MAMDC2: variants seen among roughly 807,000 people sequenced by gnomAD.
MAMDC2 encodes MAM domain-containing protein 2.
In MAMDC2, 57 loss-of-function variants were observed where a neutral mutation model predicts 89.8. The observed-to-expected ratio is 0.63, with a 90% confidence interval of 0.51 to 0.79. The LOEUF (loss-of-function observed/expected upper bound fraction) is 0.79. Ranked by LOEUF, MAMDC2 falls within the 30% of genes least tolerant of loss-of-function variation. MAMDC2 has a pLI of 0.00. For synonymous variants in MAMDC2, 313 were observed against 293.4 expected (o/e 1.07, Z -0.68); for missense variants, 800 against 820.6 (o/e 0.97, Z 0.31).
intron 6 of MAMDC2, among the ~76,000 whole-genome samples, chr9:70,128,019 A>C: frequency 6.8e-6 from 1 of 147,678 alleles, no homozygotes; most frequent in East Asian, 1.9e-4. Context: ...GACACTACTA[A>C]ACCTCAATAC....
intron 11 of MAMDC2, chr9:70,172,003 G>GT (rs1174906086): frequency 3.3e-5 from 5 of 152,190 alleles, no homozygotes; most frequent in African/African-American, 1.2e-4. Context: ...ACCACCTCCA[G>GT]TAAAACCTGT....
rs2997666 is a variant in MAMDC2, at chr9:70,064,482, A to G, written c.148+19785A>G. Among the ~76,000 whole-genome samples, 1,413 of 152,182 alleles carry G rather than the reference A, an allele frequency of 9.3e-3. 25 individuals carry two copies. The highest frequency in any genetic ancestry group is 0.032 in the African/African-American group (1,343 of 41,508). On this transcript the variant is annotated intron_variant, in intron 2 of 13. Transcript: ENST00000377182. Reference sequence around the variant, plus strand: ...CTCCCTTCTTTTCCTCCAAATCCCAATCCCACTGTCTGTAAGGAACCACTA... The same window carrying G: ...CTCCCTTCTTTTCCTCCAAATCCCAGTCCCACTGTCTGTAAGGAACCACTA...
At chr9:70,048,114 A>T (rs1826801484) in intron 2 of MAMDC2, among the ~76,000 whole-genome samples, 1 of 152,226 alleles carries the variant, frequency 6.6e-6, no homozygotes, top group South Asian at 2.1e-4. Flanking sequence ...CATTTTGCCC[A>T]TGGTTGTCCT....
At chr9:70,131,359 G>A (rs1016209760) in intron 6 of MAMDC2, among the ~76,000 whole-genome samples, 160 bp from the exon 7 acceptor site, 2 of 152,208 alleles carry the variant, frequency 1.3e-5, no homozygotes, top group African/African-American at 4.8e-5. Context: ...TGTAGGTTGA[G>A]GAGGGTGCTG....
chr9:70,107,158 C>CTA lies in MAMDC2; in HGVS notation c.149-1053_149-1052insTA, dbSNP rs1264717164. On this transcript the variant is annotated intron_variant, in intron 2 of 13. Transcript: ENST00000377182. ...CAGGCCAGAAAGGCCCAGGAGGTCC[C>CTA]CAAAGACCCACAGGCAATTGGATCA... is the stretch of plus-strand genomic sequence containing the variant. Among the ~76,000 whole-genome samples, 967 of 151,892 alleles carry CTA rather than the reference C, an allele frequency of 6.4e-3. 8 individuals are homozygous for CTA. Among genetic ancestry groups the CTA allele is most frequent in the South Asian group, 0.024 (113 of 4,778 alleles).
intron 2 of MAMDC2, among the ~76,000 whole-genome samples, chr9:70,072,368 C>T (rs1827428913): frequency 6.6e-6 from 1 of 152,178 alleles, no homozygotes; most frequent in Non-Finnish European, 1.5e-5. Context: ...CTGAGTCTGG[C>T]TGAGGCTTCT....
At position 70,059,371 on chromosome 9, in the gene MAMDC2, G is replaced by GTTTTAACATTTCCAAAGT. The variant is rs373953205; in HGVS notation, c.148+14676_148+14693dup. On this transcript the variant is annotated intron_variant, in intron 2 of 13. Transcript: ENST00000377182. ...GAAGAAACTAGGGTTTAGATAGTTTGTTTTAACATTTCCAAAGTTCATGCT... is the reference window on the plus strand; with the variant it reads ...GAAGAAACTAGGGTTTAGATAGTTTGTTTTAACATTTCCAAAGTTTTTAACATTTCCAAAGTTCATGCT... Among the ~76,000 whole-genome samples the GTTTTAACATTTCCAAAGT allele has an allele frequency of 4.1e-3, 627 of 152,250 alleles. 5 individuals are homozygous for GTTTTAACATTTCCAAAGT. Among genetic ancestry groups the GTTTTAACATTTCCAAAGT allele is most frequent in the African/African-American group, 0.014 (565 of 41,532 alleles).
In MAMDC2 at chr9:70,226,092, A is replaced by G; in HGVS notation, c.*60A>G. On this transcript the variant is annotated 3_prime_UTR_variant, in exon 14 of 14. Transcript: ENST00000377182. The stretch of plus-strand genomic sequence containing the variant: ...CATACCTCTCTTCAATCAAAATGAA[A>G]ACAAAGCAAATGAATACTGGACAGT... 2 of 1,028,904 alleles carry G rather than the reference A, an allele frequency of 1.9e-6. No individual in the cohort carries two copies. The highest frequency in any genetic ancestry group is 2.9e-6 in the Non-Finnish European group (2 of 694,526). 63.7% of individuals were successfully genotyped at this position (1,028,904 alleles called of 1,614,324 possible).
At chr9:70,130,008 C>CTGTGTGTGTGTGTGTG (rs71364580) in intron 6 of MAMDC2, among the ~76,000 whole-genome samples, 32 of 147,200 alleles carry the variant, frequency 2.2e-4, no homozygotes, top group African/African-American at 6.6e-4. Flanking sequence ...ACATGGCATT[C>CTGTGTGTGTGTGTGTG]TGTGTGTGTG....
At chr9:70,070,112 C>A (rs1827368770) in intron 2 of MAMDC2, among the ~76,000 whole-genome samples, 1 of 152,122 alleles carries the variant, frequency 6.6e-6, no homozygotes, top group Admixed American at 6.6e-5. Flanking sequence ...TACCTAAATC[C>A]TTCCTTGGCC....
intron 9 of MAMDC2, 72 bp downstream of exon 9, chr9:70,143,891 A>G (rs2118419331): frequency 6.5e-7 from 1 of 1,537,292 alleles, no homozygotes; most frequent in Non-Finnish European, 8.9e-7. Context: ...CCGTCTAGCT[A>G]CTGTCAACTG....
intron 11 of MAMDC2, among the ~76,000 whole-genome samples, chr9:70,208,308 T>C (rs2033273749): frequency 6.6e-6 from 1 of 152,220 alleles, no homozygotes; most frequent in South Asian, 2.1e-4. Context: ...TTTATTTCAT[T>C]GAGCAGTGGT....
At chr9:70,071,409 C>G (rs75449377) in intron 2 of MAMDC2, among the ~76,000 whole-genome samples, 3,429 of 152,114 alleles carry the variant, frequency 0.023, 66 homozygotes, top group Middle Eastern at 0.048. Context: ...AATCATAAGT[C>G]TAGGGTTTTG....
chr9:70,090,123 TCA>T (rs56982239), intron 2 of MAMDC2, among the ~76,000 whole-genome samples: 121,456 of 147,962 alleles, frequency 0.82, 50,161 homozygotes, highest in Non-Finnish European at 0.88. Context: ...GCCAAGGATG[TCA>T]CACACACACA....
chr9:70,064,117 G>A (rs1827210939), intron 2 of MAMDC2, among the ~76,000 whole-genome samples: 2 of 151,596 alleles, frequency 1.3e-5, no homozygotes, highest in Non-Finnish European at 2.9e-5. Context: ...TTATAAAAAT[G>A]ATGTATATAT....
At chr9:70,149,204 T>C (rs2118441535) in intron 9 of MAMDC2, among the ~76,000 whole-genome samples, 1 of 26,456 alleles carries the variant, frequency 3.8e-5, no homozygotes, top group East Asian at 1.6e-3. Context: ...CAAGACCCCA[T>C]CTCAAAAAAA....
chr9:70,197,719 AAAAAC>A lies in MAMDC2; in HGVS notation c.1652-20598_1652-20594del, dbSNP rs374816442. Among the ~76,000 whole-genome samples the A allele has an allele frequency of 2.3e-3, 355 of 152,228 alleles. 3 individuals carry two copies. The highest frequency in any genetic ancestry group is 0.018 in the South Asian group (85 of 4,818). ...CAATGCTCTTCCAAAAGTTTTTGGC[AAAAAC>A]AAAACAAAACAAAACAAAAACCTTC... is the stretch of plus-strand genomic sequence containing the variant. On this transcript the variant is annotated intron_variant, in intron 11 of 13. Transcript: ENST00000377182.
rs548217234 is a variant in MAMDC2 at position 70,217,408 on chromosome 9, A to C, written c.1652-929A>C. The C allele has an allele frequency of 3.8e-6, 5 of 1,322,742 alleles. 1 individual carries two copies. Among genetic ancestry groups the C allele is most frequent in the South Asian group, 3.5e-5 (3 of 85,060 alleles). 81.9% of individuals were successfully genotyped at this position (1,322,742 alleles called of 1,614,324 possible). The stretch of plus-strand genomic sequence containing the variant: ...GTCGGAAGAAATTCAAAAGAAAAGA[A>C]CCCACCCAGCAGTCAAATTCCAGAG... On this transcript the variant is annotated intron_variant, in intron 11 of 13. Transcript: ENST00000377182.
chr9:70,210,583 AT>A (rs1176757954), intron 11 of MAMDC2, among the ~76,000 whole-genome samples: 2 of 152,210 alleles, frequency 1.3e-5, no homozygotes, highest in Admixed American at 1.3e-4. Context: ...TTGACTCTTT[AT>A]CCAAGTTGCC....
Sources: gnomAD v4.1 joint callset for allele counts (sites outside exome capture counted in the v4.1 genomes callset) on GRCh38, gnomAD v4.1.1 for gene constraint, MANE v1.5 for transcripts, NCBI Gene and HGNC (gene_info 2026-07-23, HGNC 2026-07-21) for gene names.